The following ERBIN variants were observed in gnomAD, a reference collection of about 807,000 sequenced individuals.
The protein encoded by ERBIN is erbb2 interacting protein.
ERBIN carries 60 observed loss-of-function variants against 158.4 expected under a neutral mutation model. That is an observed-to-expected ratio of 0.38 (90% CI 0.31 to 0.47). The LOEUF is 0.47. Ranked by LOEUF, ERBIN falls within the 20% of genes least tolerant of loss-of-function variation. The pLI, the probability that ERBIN is intolerant of heterozygous loss-of-function variation, is 0.99. For missense variants in ERBIN, 1,610 were observed against 1,648.0 expected (o/e 0.98, Z 0.40); for synonymous variants, 594 against 557.2 (o/e 1.07, Z -0.93).
At position 66,012,062 on chromosome 5, in the gene ERBIN, T is replaced by G. The variant is rs376511451; in HGVS notation, c.321T>G (p.Phe107Leu). 3 of 1,602,674 alleles carry G rather than the reference T, an allele frequency of 1.9e-6. No individual in the cohort carries two copies. Among genetic ancestry groups the G allele is most frequent in the African/African-American group, 2.7e-5 (2 of 74,422 alleles). The change falls in exon 5 of 26, where the codon TTT becomes TTG. Residue 107 changes from phenylalanine to leucine, a missense_variant. Phe to Leu is a conservative substitution (Grantham distance 22). Around this residue, in one of 2 missense-constraint regions of ERBIN, gnomAD observed 596 missense variants for 711.9 expected, o/e 0.84. Coordinates refer to ENST00000284037, the MANE Select transcript of ERBIN (RefSeq NM_001253697.2). ...LDVSKNGIQE[F>L]PENIKNCKVL... The stretch of plus-strand genomic sequence containing the variant: ...TTTGTTTTCTAGGAATACAGGAGTT[T>G]CCAGAAAATATAAAAAATTGTAAAG...
intron 1 of ERBIN, among the ~76,000 whole-genome samples, chr5:65,953,074 T>G (rs1746709232): frequency 6.6e-6 from 1 of 152,226 alleles, no homozygotes; most frequent in South Asian, 2.1e-4. Flanking sequence ...ACTGTGGTGG[T>G]ACAAAGTTAC....
Position 66,054,347 on chromosome 5 carries a change from T to G in ERBIN, c.3029T>G (p.Leu1010Arg). 6.2e-7 allele frequency: 1 copy of G among 1,614,114 alleles called. No individual in the cohort carries two copies. The highest frequency in any genetic ancestry group is 8.5e-7 in the Non-Finnish European group (1 of 1,180,008). The part of the protein sequence containing the change: ...IDHASFPPQL[L>R]PRSESTENQS... ...CATGCCAGTTTTCCTCCTCAGCTCC[T>G]TCCTAGATCAGAGAGCACAGAAAAT... The change falls in exon 21 of 26, where the codon CTT becomes CGT. Residue 1010 changes from leucine to arginine, a missense_variant. Transcript: ENST00000284037.
chr5:66,043,307 C>G (rs1376166818), intron 16 of ERBIN, 109 bp downstream of exon 16: 2 of 1,144,852 alleles, frequency 1.7e-6, no homozygotes, highest in Non-Finnish European at 2.5e-6. Context: ...GAATTTATTC[C>G]TTGTCCTCAA....
intron 6 of ERBIN, among the ~76,000 whole-genome samples, chr5:66,013,948 A>G (rs1176614918): frequency 6.6e-6 from 1 of 152,146 alleles, no homozygotes; most frequent in Admixed American, 6.6e-5. Flanking sequence ...TGATTTAATA[A>G]TTGATTTATC....
At chr5:66,070,520 G>T (rs1441961192) in intron 21 of ERBIN, among the ~76,000 whole-genome samples, 9 of 150,946 alleles carry the variant, frequency 6.0e-5, no homozygotes, top group South Asian at 2.1e-4. Context: ...TTTTGTGCTT[G>T]TTTTTTTTTA....
At position 65,934,425 on chromosome 5, in the gene ERBIN, CT is replaced by C. The variant is rs375091898; in HGVS notation, c.-58+7627del. On this transcript the variant is annotated intron_variant, in intron 1 of 25. Transcript: ENST00000284037. ...CTTCAATCTGGAATAATTTCTTTCT[CT>C]TTTTTTTCAAGGCCTTGACACTTTT... 6.2e-3 allele frequency among the ~76,000 whole-genome samples: 940 copies of C among 151,940 alleles called. 12 individuals carry two copies. Among genetic ancestry groups the C allele is most frequent in the African/African-American group, 0.022 (900 of 41,428 alleles).
intron 1 of ERBIN, among the ~76,000 whole-genome samples, chr5:65,943,787 A>T (rs746752786): frequency 6.6e-6 from 1 of 152,204 alleles, no homozygotes; most frequent in African/African-American, 2.4e-5. Flanking sequence ...ACCCTTCACC[A>T]CTGTTCATCT....
intron 4 of ERBIN, among the ~76,000 whole-genome samples, chr5:65,997,033 G>A (rs1170764594): frequency 6.6e-6 from 1 of 151,778 alleles, no homozygotes; most frequent in Non-Finnish European, 1.5e-5. Context: ...GAGTCTTTAG[G>A]GTTTTCTATA....
intron 7 of ERBIN, among the ~76,000 whole-genome samples, chr5:66,018,487 T>TTATATAATATATATTATATATTA (rs369036297): frequency 3.0e-4 from 2 of 6,582 alleles, no homozygotes; most frequent in Non-Finnish European, 5.4e-4. Context: ...ATATTATATA[T>TTATATAATATATATTATATATTA]TATATTATAT....
At chr5:65,943,659 CT>C (rs1745356142) in intron 1 of ERBIN, among the ~76,000 whole-genome samples, 1 of 152,134 alleles carries the variant, frequency 6.6e-6, no homozygotes, top group Non-Finnish European at 1.5e-5. Context: ...AATTTCCCTT[CT>C]TTGGATTTAT....
rs141119663 is a variant in ERBIN, at chr5:65,938,796, C to T, written c.-58+11990C>T. ...TCGAACTCCTGACCTTATGATCTGC[C>T]TGCCTCAGCCTCCCAAAGTGCCGGG... On this transcript the variant is annotated intron_variant, in intron 1 of 25. Transcript: ENST00000284037. Among the ~76,000 whole-genome samples, 252 of 152,158 alleles carry T rather than the reference C, an allele frequency of 1.7e-3. 4 individuals carry two copies. The East Asian group carries it at 0.043, about 26-fold the overall frequency.
chr5:66,030,587 G>T, intron 14 of ERBIN, among the ~76,000 whole-genome samples: 1 of 147,886 alleles, frequency 6.8e-6, no homozygotes, highest in African/African-American at 2.5e-5. Context: ...TTTTGCGGCG[G>T]GGTCTTACTC....
intron 1 of ERBIN, among the ~76,000 whole-genome samples, chr5:65,968,127 AG>A (rs762772777): frequency 1.3e-5 from 2 of 152,138 alleles, no homozygotes; most frequent in Non-Finnish European, 2.9e-5. Flanking sequence ...TCACCTCTTG[AG>A]GGGAGAAGTG....
chr5:66,072,106 C>G (rs557090594), intron 21 of ERBIN, 63 bp from the exon 22 acceptor site: 353 of 1,504,700 alleles, frequency 2.3e-4, no homozygotes, highest in Non-Finnish European at 2.9e-4. Flanking sequence ...TCTCAAGTGT[C>G]ATCCTCTTGG....
chr5:65,978,617 CG>C (rs1561323990), intron 1 of ERBIN, among the ~76,000 whole-genome samples: 1 of 152,114 alleles, frequency 6.6e-6, no homozygotes, highest in East Asian at 1.9e-4. Context: ...TCAGTATAGG[CG>C]GATAATATGG....
Position 66,078,739 on chromosome 5 carries a change from A to G in ERBIN, c.*209A>G, listed in dbSNP as rs1762234526. The G allele has an allele frequency of 4.0e-6, 2 of 505,244 alleles. No homozygotes were observed. Among genetic ancestry groups the G allele is most frequent in the African/African-American group, 2.0e-5 (1 of 49,180 alleles). 31.3% of individuals were successfully genotyped at this position (505,244 alleles called of 1,614,324 possible). On this transcript the variant is annotated 3_prime_UTR_variant, in exon 26 of 26. Coordinates refer to ENST00000284037, the MANE Select transcript of ERBIN (RefSeq NM_001253697.2). ...GGAGACTGTTGAATTCATACCATAT[A>G]AAACTTGTTAGGTTTTTAAACATAG... is the stretch of plus-strand genomic sequence containing the variant.
intron 1 of ERBIN, among the ~76,000 whole-genome samples, chr5:65,936,224 A>G (rs377116656): frequency 1.3e-5 from 2 of 152,260 alleles, no homozygotes; most frequent in East Asian, 3.9e-4. Context: ...AGTGATCTAA[A>G]AATGAATCTT....
chr5:66,070,053 A>G (rs915951629), intron 21 of ERBIN, among the ~76,000 whole-genome samples: 1 of 151,760 alleles, frequency 6.6e-6, no homozygotes, highest in Non-Finnish European at 1.5e-5. Flanking sequence ...TTATTTATTT[A>G]TTTATTTTGA....
At chr5:66,018,408 T>C (rs1755027082) in intron 7 of ERBIN, among the ~76,000 whole-genome samples, 1 of 110,000 alleles carries the variant, frequency 9.1e-6, no homozygotes, top group Non-Finnish European at 1.8e-5. Context: ...AGGTATGTTA[T>C]ATGTATATAC....
Sources: allele counts gnomAD v4.1 joint callset (sites outside exome capture counted in the v4.1 genomes callset), GRCh38; gene constraint gnomAD v4.1.1; regional missense constraint gnomAD v4.1.1; transcripts MANE v1.5; gene names NCBI Gene and HGNC (gene_info 2026-07-23, HGNC 2026-07-21).